KDM4C: variants seen among roughly 807,000 people sequenced by gnomAD.
The protein encoded by KDM4C is lysine-specific demethylase 4C.
In KDM4C, 81 loss-of-function variants were observed where a neutral mutation model predicts 129.3. The observed-to-expected ratio is 0.63, with a 90% confidence interval of 0.52 to 0.75. The LOEUF (loss-of-function observed/expected upper bound fraction) is 0.75, where lower values mean the gene tolerates loss of function less well. KDM4C is among the 30% of genes least tolerant of loss of function. The probability of loss-of-function intolerance (pLI) is 0.00; values close to 1 mark genes in which losing one functional copy is unlikely to be tolerated. For synonymous variants in KDM4C, 573 were observed against 456.1 expected, an observed-to-expected ratio of 1.26 and a Z score of -3.26; for missense variants, 1,457 against 1,304.0, an observed-to-expected ratio of 1.12 and a Z score of -1.81.
intron 17 of KDM4C, among the ~76,000 whole-genome samples, chr9:7,067,880 C>G (rs971797953): frequency 2.0e-5 from 3 of 152,064 alleles, no homozygotes; most frequent in Non-Finnish European, 2.9e-5. Flanking sequence ...ACTGCAAGCT[C>G]CGTCTCCCGG....
intron 18 of KDM4C, among the ~76,000 whole-genome samples, chr9:7,110,412 T>A (rs1838188407): frequency 1.3e-5 from 2 of 152,250 alleles, no homozygotes; most frequent in African/African-American, 4.8e-5. Context: ...CTGGCTTTAA[T>A]AAATTTATTT....
At chr9:7,163,342 C>G (rs1363963154) in intron 19 of KDM4C, among the ~76,000 whole-genome samples, 2 of 152,164 alleles carry the variant, frequency 1.3e-5, no homozygotes, top group Non-Finnish European at 2.9e-5. Flanking sequence ...CCCACAGGGT[C>G]CCTGTGAGTT....
In KDM4C at chr9:6,993,249, C is replaced by G. The variant is rs370098290; in HGVS notation, c.1786+2725C>G. Among the ~76,000 whole-genome samples, 22 of 152,274 alleles carry G rather than the reference C, an allele frequency of 1.4e-4. No homozygotes were observed. In the East Asian group the frequency reaches 3.3e-3, roughly 23 times the overall value. On this transcript the variant is annotated intron_variant, in intron 12 of 21. Transcript: ENST00000381309. The stretch of plus-strand genomic sequence containing the variant: ...TCTTTACATAAAAATTAGCATCTAA[C>G]TTATTCTTTTTTGGTGAAAAATAAT...
intron 8 of KDM4C, among the ~76,000 whole-genome samples, chr9:6,913,100 G>A (rs375872077): frequency 1.3e-5 from 2 of 152,060 alleles, no homozygotes; most frequent in African/African-American, 4.8e-5. Context: ...ACATAACCTT[G>A]GTTAAGTAAC....
chr9:7,101,023 T>C (rs1007999220), intron 17 of KDM4C, among the ~76,000 whole-genome samples: 39 of 152,198 alleles, frequency 2.6e-4, no homozygotes, highest in Non-Finnish European at 2.1e-4. Flanking sequence ...ATTGCTGTTT[T>C]GGCTTCATCC....
chr9:6,767,929 C>G (rs1000612686), intron 1 of KDM4C, among the ~76,000 whole-genome samples: 7 of 150,806 alleles, frequency 4.6e-5, no homozygotes, highest in Non-Finnish European at 8.9e-5. Flanking sequence ...ATTTATTTTT[C>G]TAAGTTTGTA....
chr9:6,929,471 CTTT>C (rs59537472), intron 8 of KDM4C, among the ~76,000 whole-genome samples: 2 of 127,526 alleles, frequency 1.6e-5, no homozygotes, highest in African/African-American at 2.9e-5. Flanking sequence ...TTGACTTTTT[CTTT>C]TTTTTTTTTT....
intron 19 of KDM4C, among the ~76,000 whole-genome samples, chr9:7,142,198 G>A (rs1052100115): frequency 2.0e-5 from 3 of 152,190 alleles, no homozygotes; most frequent in African/African-American, 7.2e-5. Flanking sequence ...GCTCTCTTCA[G>A]TACTCATTTG....
Position 6,814,754 on chromosome 9 carries a change from A to C in KDM4C, c.435+9A>C. 6.7e-7 allele frequency: 1 copy of C among 1,491,754 alleles called. No individual in the cohort carries two copies. The highest frequency in any genetic ancestry group is 9.3e-7 in the Non-Finnish European group (1 of 1,073,684). 92.4% of individuals were successfully genotyped at this position (1,491,754 alleles called of 1,614,324 possible). A position where few individuals can be genotyped will look rare whatever the true frequency, so the allele number is the denominator to read the frequency against. On this transcript the variant is annotated intron_variant, in intron 4 of 21. Coordinates refer to ENST00000381309, the MANE Select transcript of KDM4C (RefSeq NM_015061.6). The stretch of plus-strand genomic sequence containing the variant: ...GGAGCATATATGATGAGGTACATTC[A>C]TATTTACAGTGAGTTTTGTAAAGAT...
chr9:6,876,699 A>G (rs1390748707), intron 5 of KDM4C, among the ~76,000 whole-genome samples: 2 of 152,150 alleles, frequency 1.3e-5, no homozygotes, highest in African/African-American at 4.8e-5. Context: ...CAGAGAAGTC[A>G]GTGAGTCTAG....
rs560575587 is a variant in KDM4C, at chr9:6,772,781, C to T, written c.-18+14578C>T. On this transcript the variant is annotated intron_variant, in intron 1 of 21. Coordinates refer to ENST00000381309, the MANE Select transcript of KDM4C (RefSeq NM_015061.6). The stretch of plus-strand genomic sequence containing the variant: ...CATCTTGGCTCACTGCAGCCTCTGC[C>T]CCCCGGATTCAAGCAGTTCTCCTGC... Among the ~76,000 whole-genome samples the T allele has an allele frequency of 1.9e-4, 28 of 151,314 alleles. No individual in the cohort carries two copies. In the East Asian group the frequency reaches 3.7e-3, roughly 20 times the overall value.
At chr9:6,792,833 C>T (rs1826948346) in intron 1 of KDM4C, 139 bp from the exon 2 acceptor site, 5 of 829,552 alleles carry the variant, frequency 6.0e-6, no homozygotes. Flanking sequence ...ATGAGGGAGT[C>T]TCCCTGAGAC....
At chr9:6,746,523 C>T (rs1817880769) in intron 1 of KDM4C, among the ~76,000 whole-genome samples, 2 of 148,766 alleles carry the variant, frequency 1.3e-5, no homozygotes, top group South Asian at 4.2e-4. Flanking sequence ...CCCGCCTCAG[C>T]TTCCCAAAGT....
At chr9:6,966,286 C>A (rs1465261900) in intron 8 of KDM4C, among the ~76,000 whole-genome samples, 1 of 152,068 alleles carries the variant, frequency 6.6e-6, no homozygotes, top group Non-Finnish European at 1.5e-5. Context: ...AGGTTCACGC[C>A]ATTCTCCTGC....
chr9:6,967,582 G>A (rs7864298), intron 8 of KDM4C, among the ~76,000 whole-genome samples: 152,259 of 152,310 alleles, frequency 1, 76,104 homozygotes, highest in Non-Finnish European at 1. Context: ...CTGGAGGAGT[G>A]AAACGGGCTT....
At chr9:6,986,299 T>G in intron 10 of KDM4C, 45 bp from the exon 11 acceptor site, 1 of 1,328,368 alleles carries the variant, frequency 7.5e-7, no homozygotes, top group South Asian at 1.3e-5. Context: ...TACTTAGTAG[T>G]AATACAGTGC....
intron 17 of KDM4C, among the ~76,000 whole-genome samples, chr9:7,097,735 TG>T (rs1330074182): frequency 3.9e-5 from 6 of 152,268 alleles, no homozygotes; most frequent in African/African-American, 1.4e-4. Flanking sequence ...ATTGTGATTA[TG>T]GCTGTAAAGC....
intron 5 of KDM4C, among the ~76,000 whole-genome samples, chr9:6,861,774 C>CTTT (rs199903320): frequency 6.7e-6 from 1 of 148,846 alleles, no homozygotes; most frequent in Non-Finnish European, 1.5e-5. Context: ...ATATTTCTTT[C>CTTT]TTTCTTTTTT....
At chr9:7,030,524 G>A (rs1239982829) in intron 15 of KDM4C, among the ~76,000 whole-genome samples, 1 of 152,050 alleles carries the variant, frequency 6.6e-6, no homozygotes, top group Non-Finnish European at 1.5e-5. Context: ...CTCTGGTGGG[G>A]GATGTTGATA....
Sources: allele counts gnomAD v4.1 joint callset (sites outside exome capture counted in the v4.1 genomes callset), GRCh38; gene constraint gnomAD v4.1.1; transcripts MANE v1.5; gene names NCBI Gene and HGNC (gene_info 2026-07-23, HGNC 2026-07-21).